Variants in FOSL1 observed in about 807,000 individuals in gnomAD.
FOSL1 encodes the protein fos-related antigen 1.
In FOSL1, 14 loss-of-function variants were observed where a neutral mutation model predicts 24.9. The ratio of observed to expected loss-of-function variants is 0.56; its 90% confidence interval spans 0.37 to 0.88. The LOEUF is 0.88. FOSL1 is among the 40% of genes least tolerant of loss of function. The pLI, the probability that FOSL1 is intolerant of heterozygous loss-of-function variation, is 0.00. For synonymous variants in FOSL1, 133 were observed against 145.1 expected (o/e 0.92, Z 0.60); for missense variants, 318 against 359.8 (o/e 0.88, Z 0.94).
intron 2 of FOSL1, among the ~76,000 whole-genome samples, chr11:65,895,118 AG>A (rs1860492834): frequency 7.9e-6 from 1 of 125,978 alleles, no homozygotes; most frequent in Non-Finnish European, 1.7e-5. Flanking sequence ...AAAAAAACAT[AG>A]ATTCTTTTTT....
At chr11:65,900,135 G>A in intron 1 of FOSL1, 106 bp downstream of exon 1, 1 of 520,712 alleles carries the variant, frequency 1.9e-6, no homozygotes. Flanking sequence ...CCCCCAGCCC[G>A]GCCCCGACTC....
In FOSL1 at chr11:65,897,000, G is replaced by A. The variant is rs541266164; in HGVS notation, c.106C>T (p.His36Tyr). 1.9e-6 allele frequency: 3 copies of A among 1,613,766 alleles called. No individual in the cohort carries two copies. In the East Asian group the frequency reaches 6.7e-5, roughly 36 times the overall value. Reference sequence around the variant, plus strand: ...ATGGTGTTGATGCTTGGCACCAGGTGGAACTTCTAAGGAATAAGAAATGGA... The same window carrying A: ...ATGGTGTTGATGCTTGGCACCAGGTAGAACTTCTAAGGAATAAGAAATGGA... ...AAAQAAQQKF[H>Y]LVPSINTMSG... The change falls in exon 2 of 4, where the codon CAC (histidine) becomes TAC (tyrosine). Residue 36 changes from histidine (H) to tyrosine (Y), a missense_variant. His to Tyr is a moderately conservative substitution (Grantham distance 83). Transcript: ENST00000312562.
In FOSL1 at chr11:65,893,112, C is replaced by T. The variant is rs564101721; in HGVS notation, c.590G>A (p.Arg197His). The T allele has an allele frequency of 1.6e-5, 26 of 1,612,564 alleles. No homozygotes were observed. Among genetic ancestry groups the T allele is most frequent in the Admixed American group, 8.3e-5 (5 of 59,898 alleles). The change falls in exon 4 of 4, where the codon CGC becomes CAC. Residue 197 changes from arginine to histidine, a missense_variant. Transcript: ENST00000312562. The stretch of plus-strand genomic sequence containing the variant: ...GGAAAGGGAGATACAAGGTACAGGG[C>T]GGCAGGGGGCTGGTGGGCTGCTGGT... ...SGTSSPPAPC[R>H]PVPCISLSPG... is the part of the protein sequence containing the mutation.
chr11:65,893,404 G>A (rs1565287508), intron 3 of FOSL1, 108 bp from the exon 4 acceptor site: 2 of 793,418 alleles, frequency 2.5e-6, no homozygotes, highest in South Asian at 1.8e-5. Flanking sequence ...GGGGGAGAGG[G>A]GGGGCAGTGG....
rs555734771 is a variant in FOSL1 at position 65,895,216 on chromosome 11, G to A, written c.298-1095C>T. Among the ~76,000 whole-genome samples, 8 of 143,302 alleles carry A rather than the reference G, an allele frequency of 5.6e-5. No homozygotes were observed. The East Asian group carries it at 8.5e-4, about 15-fold the overall frequency. The allele number at this position is 143,302 out of a possible 152,430, so 94.0% of individuals were successfully genotyped here. A position where few individuals can be genotyped will look rare whatever the true frequency, so the allele number is the denominator to read the frequency against. On this transcript the variant is annotated intron_variant, in intron 2 of 3. Coordinates refer to ENST00000312562, the MANE Select transcript of FOSL1 (RefSeq NM_005438.5). Reference sequence around the variant, plus strand: ...TCGGCTCACTGCAAGCTCCGCCTCCGGGGTTCACGCCATTCTCCTGCCTCA... The same window carrying A: ...TCGGCTCACTGCAAGCTCCGCCTCCAGGGTTCACGCCATTCTCCTGCCTCA...
chr11:65,897,049 G>T (rs1164892491), intron 1 of FOSL1, 43 bp from the exon 2 acceptor site: 1 of 1,469,044 alleles, frequency 6.8e-7, no homozygotes, highest in Non-Finnish European at 9.5e-7. Context: ...GGTCCGTGTG[G>T]ATTGAGGGGC....
intron 2 of FOSL1, among the ~76,000 whole-genome samples, chr11:65,895,007 C>T (rs1860489631): frequency 6.6e-6 from 1 of 150,686 alleles, no homozygotes; most frequent in African/African-American, 2.4e-5. Context: ...ACTGTGTTGC[C>T]CAGGCTGGTC....
At chr11:65,893,907 T>A (rs1370897063) in intron 3 of FOSL1, 107 bp downstream of exon 3, 1 of 767,578 alleles carries the variant, frequency 1.3e-6, no homozygotes, top group Non-Finnish European at 2.2e-6. Context: ...GGACTGCCCC[T>A]CAGACAAGGA....
At chr11:65,900,468 C>T, upstream of FOSL1, 1 of 469,894 alleles carries the variant, frequency 2.1e-6, no homozygotes, top group Non-Finnish European at 3.4e-6. Flanking sequence ...GGGGTGGGGG[C>T]GTTGCAGCGG....
In FOSL1 at chr11:65,892,722, A is replaced by G. The variant is rs940544171; in HGVS notation, c.*164T>C. On this transcript the variant is annotated 3_prime_UTR_variant, in exon 4 of 4. Coordinates refer to ENST00000312562, the MANE Select transcript of FOSL1 (RefSeq NM_005438.5). The stretch of plus-strand genomic sequence containing the variant: ...ACAGTGGGCAGCTTTGGTGGCCCCA[A>G]GCTGGCTCTACTGTGAAGCACAATA... 5 of 748,336 alleles carry G rather than the reference A, an allele frequency of 6.7e-6. No homozygotes were observed. The highest frequency in any genetic ancestry group is 1.5e-5 in the South Asian group (1 of 66,270). 46.4% of individuals were successfully genotyped at this position (748,336 alleles called of 1,614,324 possible).
intron 2 of FOSL1, 41 bp downstream of exon 2, chr11:65,896,768 C>T (rs1382600581): frequency 3.3e-6 from 5 of 1,516,340 alleles, no homozygotes; most frequent in African/African-American, 1.4e-5. Context: ...CCTAGCACTC[C>T]TGGGCGGGGT....
intron 1 of FOSL1, among the ~76,000 whole-genome samples, chr11:65,899,569 G>C (rs1860619415): frequency 6.6e-6 from 1 of 152,238 alleles, no homozygotes; most frequent in African/African-American, 2.4e-5. Flanking sequence ...GTCGCCCGCA[G>C]CCTGACCCCG....
Position 65,893,100 on chromosome 11 carries a change from C to A in FOSL1, c.602G>T (p.Cys201Phe), listed in dbSNP as rs1436582414. 1 of 1,612,666 alleles carries A rather than the reference C, an allele frequency of 6.2e-7. No individual in the cohort carries two copies. Among genetic ancestry groups the A allele is most frequent in the Non-Finnish European group, 8.5e-7 (1 of 1,179,712 alleles). The change falls in exon 4 of 4, where the codon TGT becomes TTT. Residue 201 changes from cysteine to phenylalanine, a missense_variant. Cys to Phe is a radical substitution (Grantham distance 205). Transcript: ENST00000312562. ...CACAGGCCCTGGGGAAAGGGAGATA[C>A]AAGGTACAGGGCGGCAGGGGGCTGG... ...SPPAPCRPVP[C>F]ISLSPGPVLE...
chr11:65,896,779 C>G, intron 2 of FOSL1, 30 bp downstream of exon 2: 3 of 1,551,408 alleles, frequency 1.9e-6, no homozygotes, highest in Non-Finnish European at 2.6e-6. Flanking sequence ...TGGGCGGGGT[C>G]GGAACCACTG....
intron 3 of FOSL1, among the ~76,000 whole-genome samples, chr11:65,893,691 T>C (rs1262423410): frequency 6.6e-6 from 1 of 151,842 alleles, no homozygotes; most frequent in African/African-American, 2.4e-5. Context: ...CTCAGCAGGC[T>C]GAGGCATAAG....
At chr11:65,899,629 A>G (rs1214020015) in intron 1 of FOSL1, among the ~76,000 whole-genome samples, 2 of 152,142 alleles carry the variant, frequency 1.3e-5, no homozygotes, top group African/African-American at 2.4e-5. Context: ...CGGCAAAGGG[A>G]TCGAGGGCCG....
At chr11:65,898,102 C>A (rs1350450586) in intron 1 of FOSL1, among the ~76,000 whole-genome samples, 1 of 123,462 alleles carries the variant, frequency 8.1e-6, no homozygotes, top group Non-Finnish European at 1.6e-5. Flanking sequence ...GTGCAGTAGC[C>A]CGATCTCGCC....
intron 2 of FOSL1, among the ~76,000 whole-genome samples, chr11:65,894,811 C>T (rs949953926): frequency 6.6e-5 from 10 of 151,932 alleles, no homozygotes; most frequent in African/African-American, 1.2e-4. Flanking sequence ...CATGTACCAC[C>T]ACACCTGGCT....
chr11:65,895,365 C>T (rs1386730606), intron 2 of FOSL1, among the ~76,000 whole-genome samples: 1 of 152,084 alleles, frequency 6.6e-6, no homozygotes. Context: ...ACCTCATGAT[C>T]CACCTTCCTT....
Sources: allele counts gnomAD v4.1 joint callset (sites outside exome capture counted in the v4.1 genomes callset), GRCh38; gene constraint gnomAD v4.1.1; transcripts MANE v1.5; gene names NCBI Gene and HGNC (gene_info 2026-07-23, HGNC 2026-07-21).